PROS1: variants seen among roughly 807,000 people sequenced by gnomAD.
PROS1 encodes the protein protein S, also known as vitamin K-dependent protein S.
Under a neutral mutation model 75.9 loss-of-function variants are expected in PROS1, and 29 were observed. The observed-to-expected ratio is 0.38, with a 90% CI of 0.28 to 0.52. The LOEUF (loss-of-function observed/expected upper bound fraction) is 0.52. PROS1 is among the 20% of genes least tolerant of loss of function. The pLI is 0.83. For missense variants in PROS1, 680 were observed against 810.3 expected (o/e 0.84, Z 1.95); for synonymous variants, 245 against 280.6 (o/e 0.87, Z 1.27).
chr3:93,922,555 G>A (rs1208890482), intron 3 of PROS1, among the ~76,000 whole-genome samples: 4 of 152,204 alleles, frequency 2.6e-5, no homozygotes, highest in African/African-American at 9.6e-5. Context: ...TGAAAACGAA[G>A]TCTAAATATT....
At chr3:93,943,885 C>T (rs372592938) in intron 1 of PROS1, among the ~76,000 whole-genome samples, 21 of 152,270 alleles carry the variant, frequency 1.4e-4, no homozygotes, top group African/African-American at 2.9e-4. Flanking sequence ...TGCCCCTGTC[C>T]GCCAGAGAAC....
chr3:93,924,160 A>C (rs1269057535), intron 3 of PROS1, 80 bp downstream of exon 3: 8 of 960,974 alleles, frequency 8.3e-6, no homozygotes, highest in African/African-American at 3.4e-5. Flanking sequence ...GATGGAATAG[A>C]TAGGTGGAGA....
At chr3:93,905,366 T>G (rs1708657168) in intron 6 of PROS1, among the ~76,000 whole-genome samples, 1 of 152,094 alleles carries the variant, frequency 6.6e-6, no homozygotes, top group Non-Finnish European at 1.5e-5. Flanking sequence ...ACCAAACACT[T>G]TGGGAGGCTG....
rs377491237 is a variant in PROS1, at chr3:93,927,318, T to C, written c.166A>G (p.Arg56Gly). The C allele has an allele frequency of 6.2e-7, 1 of 1,613,644 alleles. No individual in the cohort carries two copies. The highest frequency in any genetic ancestry group is 1.3e-5 in the African/African-American group (1 of 74,868). Reference protein sequence around the residue: ...LEETKQGNLERECIEELCNKE... With the variant: ...LEETKQGNLEGECIEELCNKE... ...TTGCACAGTTCTTCGATGCATTCTC[T>C]TTCAAGATTACCCTGTTTGGTTTCT... Residue 56 changes from arginine to glycine, a missense_variant, in exon 2 of 15, where the codon AGA (arginine) becomes GGA (glycine). Physicochemically the swap from Arg to Gly is moderately radical, Grantham distance 125 (BLOSUM62 -2). Coordinates refer to ENST00000394236, the MANE Select transcript of PROS1 (RefSeq NM_000313.4).
intron 1 of PROS1, among the ~76,000 whole-genome samples, chr3:93,951,598 T>C (rs765999884): frequency 1.8e-4 from 27 of 152,214 alleles, no homozygotes; most frequent in Non-Finnish European, 3.7e-4. Flanking sequence ...GAGGGAAGCA[T>C]TACACATGGA....
chr3:93,965,117 A>G (rs569832555), intron 1 of PROS1, among the ~76,000 whole-genome samples: 38 of 152,322 alleles, frequency 2.5e-4, no homozygotes, highest in African/African-American at 9.1e-4. Context: ...GATCGGGATA[A>G]AAACCCAGGC....
chr3:93,880,693 A>T (rs913934697), intron 12 of PROS1, among the ~76,000 whole-genome samples: 2 of 152,206 alleles, frequency 1.3e-5, no homozygotes, highest in African/African-American at 4.8e-5. Context: ...AATTTAACAC[A>T]GAATATTAAA....
At chr3:93,943,865 T>C (rs1361014210) in intron 1 of PROS1, among the ~76,000 whole-genome samples, 1 of 152,206 alleles carries the variant, frequency 6.6e-6, no homozygotes, top group Non-Finnish European at 1.5e-5. Flanking sequence ...ATTGAGCACC[T>C]TGTGACCCCT....
At position 93,945,702 on chromosome 3, in the gene PROS1, C is replaced by T. The variant is rs896349643; in HGVS notation, c.77-18295G>A. Among the ~76,000 whole-genome samples, 35 of 152,154 alleles carry T rather than the reference C, an allele frequency of 2.3e-4. 2 individuals are homozygous for T. Among genetic ancestry groups the T allele is most frequent in the Admixed American group, 1.8e-3 (27 of 15,280 alleles). ...TTTATGACAAACCCACAGCCAATATCATACTGAATGGGCAAAAATGGAAGC... is the reference window on the plus strand; with the variant it reads ...TTTATGACAAACCCACAGCCAATATTATACTGAATGGGCAAAAATGGAAGC... On this transcript the variant is annotated intron_variant, in intron 1 of 14. Coordinates refer to ENST00000394236, the MANE Select transcript of PROS1 (RefSeq NM_000313.4).
intron 7 of PROS1, among the ~76,000 whole-genome samples, chr3:93,898,947 A>G (rs1708543860): frequency 6.6e-6 from 1 of 152,080 alleles, no homozygotes; most frequent in Non-Finnish European, 1.5e-5. Flanking sequence ...GCTTTGAAAA[A>G]AAGAAAAAAG....
intron 10 of PROS1, 126 bp downstream of exon 10, chr3:93,892,807 A>C (rs1283374905): frequency 1.2e-6 from 1 of 824,756 alleles, no homozygotes; most frequent in Admixed American, 1.9e-5. Flanking sequence ...CAGTATGTAG[A>C]ATATACCTCA....
chr3:93,934,008 C>CA (rs60441503), intron 1 of PROS1, among the ~76,000 whole-genome samples: 5,657 of 88,452 alleles, frequency 0.064, 416 homozygotes, highest in African/African-American at 0.18. Flanking sequence ...GACTCTGTCT[C>CA]AAAAAAAAAA....
At chr3:93,948,435 A>G (rs1709439945) in intron 1 of PROS1, among the ~76,000 whole-genome samples, 2 of 152,188 alleles carry the variant, frequency 1.3e-5, no homozygotes, top group African/African-American at 2.4e-5. Context: ...TGCTTGGTGC[A>G]GAGCTCAGTT....
chr3:93,908,016 C>T (rs1708702345), intron 4 of PROS1, among the ~76,000 whole-genome samples: 1 of 152,008 alleles, frequency 6.6e-6, no homozygotes, highest in Admixed American at 6.6e-5. Flanking sequence ...GGCGTGGTGG[C>T]ACATGCCTGT....
At chr3:93,960,659 C>T (rs1199764649) in intron 1 of PROS1, among the ~76,000 whole-genome samples, 1 of 141,370 alleles carries the variant, frequency 7.1e-6, no homozygotes, top group Non-Finnish European at 1.5e-5. Context: ...AAGAAATAAT[C>T]TCTTATTTTG....
At chr3:93,927,492 T>C (rs1467768124) in intron 1 of PROS1, 85 bp from the exon 2 acceptor site, 2 of 1,406,258 alleles carry the variant, frequency 1.4e-6, no homozygotes, top group Admixed American at 4.3e-5. Context: ...GTTAAAATCA[T>C]TTTCTGCCTA....
intron 13 of PROS1, among the ~76,000 whole-genome samples, chr3:93,878,576 T>C (rs1043349066): frequency 1.3e-5 from 2 of 152,206 alleles, no homozygotes; most frequent in African/African-American, 4.8e-5. Context: ...ATACAGATTT[T>C]CTGATAACCC....
chr3:93,892,325 T>C (rs1337934931), intron 10 of PROS1, among the ~76,000 whole-genome samples: 1 of 147,728 alleles, frequency 6.8e-6, no homozygotes, highest in Non-Finnish European at 1.5e-5. Flanking sequence ...AGTGAGACTG[T>C]CTCAAAAAAA....
intron 3 of PROS1, among the ~76,000 whole-genome samples, chr3:93,915,465 CTAAA>C (rs1708831024): frequency 1.3e-5 from 2 of 152,162 alleles, no homozygotes; most frequent in South Asian, 2.1e-4. Context: ...GACTCTGTCT[CTAAA>C]TAAATAAATA....
Sources: gnomAD v4.1 joint callset for allele counts (sites outside exome capture counted in the v4.1 genomes callset) on GRCh38, gnomAD v4.1.1 for gene constraint, MANE v1.5 for transcripts, NCBI Gene and HGNC (gene_info 2026-07-23, HGNC 2026-07-21) for gene names.